Variants in EPB41L4A observed in about 807,000 individuals in gnomAD.
EPB41L4A encodes erythrocyte membrane protein band 4.1 like 4A.
In EPB41L4A, 100 loss-of-function variants were observed where a neutral mutation model predicts 108.6. The ratio of observed to expected loss-of-function variants is 0.92; its 90% CI spans 0.78 to 1.09. The LOEUF (loss-of-function observed/expected upper bound fraction) is 1.09, where lower values mean the gene tolerates loss of function less well. EPB41L4A is among the 50% of genes least tolerant of loss of function. The pLI, the probability that EPB41L4A is intolerant of heterozygous loss-of-function variation, is 0.00. For synonymous variants in EPB41L4A, 319 were observed against 289.0 expected, an observed-to-expected ratio of 1.10 and a Z score of -1.05; for missense variants, 1,030 against 842.7, an observed-to-expected ratio of 1.22 and a Z score of -2.75.
At position 112,165,078 on chromosome 5, in the gene EPB41L4A, G is replaced by C; in HGVS notation, c.1973C>G (p.Pro658Arg). The C allele has an allele frequency of 6.2e-7, 1 of 1,611,282 alleles. No individual in the cohort carries two copies. Among genetic ancestry groups the C allele is most frequent in the South Asian group, 1.1e-5 (1 of 90,948 alleles). ...AGCCAGGTTGTTTGTAGATGTCTGA[G>C]GTTTTTCTTCCATCAGGCTATCTTT... ...GSKDSLMEEKPQTSTNNLAGK... is the reference protein window; with the variant it reads ...GSKDSLMEEKRQTSTNNLAGK... Residue 658 changes from proline to arginine, a missense_variant, in exon 23 of 23, where the codon CCT becomes CGT. Coordinates refer to ENST00000261486, the MANE Select transcript of EPB41L4A (RefSeq NM_022140.5).
chr5:112,209,015 A>T (rs1308275637), intron 13 of EPB41L4A, among the ~76,000 whole-genome samples: 1 of 152,252 alleles, frequency 6.6e-6, no homozygotes, highest in Non-Finnish European at 1.5e-5. Context: ...TAAAATATTA[A>T]AACTCTGAGA....
intron 12 of EPB41L4A, among the ~76,000 whole-genome samples, chr5:112,152,014 G>A (rs1431875192): frequency 1.3e-5 from 2 of 152,272 alleles, no homozygotes; most frequent in Admixed American, 6.5e-5. Context: ...TTACAGGCGT[G>A]AGCCACCATT....
At position 112,419,136 on chromosome 5, in the gene EPB41L4A, G is replaced by A; in HGVS notation, c.-97C>T. ...CGCGATGCATTAATTTATTGTCCGC[G>A]CCGTGGCGAGGGTGAGACGAGCAGC... is the stretch of plus-strand genomic sequence containing the variant. On this transcript the variant is annotated 5_prime_UTR_variant, in exon 1 of 23. Coordinates refer to ENST00000261486, the MANE Select transcript of EPB41L4A (RefSeq NM_022140.5). 1.1e-6 allele frequency: 1 copy of A among 919,996 alleles called. No individual in the cohort carries two copies. The highest frequency in any genetic ancestry group is 1.7e-6 in the Non-Finnish European group (1 of 579,686). The allele number at this position is 919,996 out of a possible 1,614,324, so 57.0% of individuals were successfully genotyped here.
chr5:112,336,772 A>T (rs1255244748), intron 1 of EPB41L4A, among the ~76,000 whole-genome samples: 1 of 152,244 alleles, frequency 6.6e-6, no homozygotes, highest in Non-Finnish European at 1.5e-5. Context: ...AGCTGCAGAA[A>T]TAATGAGTAG....
chr5:112,386,833 C>G lies in EPB41L4A; in HGVS notation c.99+32108G>C, dbSNP rs538970530. 2.0e-5 allele frequency among the ~76,000 whole-genome samples: 3 copies of G among 152,276 alleles called. No individual in the cohort carries two copies. The South Asian group carries it at 6.2e-4, about 32-fold the overall frequency. ...GGCACAACGGGAATAGAAAGTGATT[C>G]TCCAGCAATAAAGGCAAAAGCTATC... On this transcript the variant is annotated intron_variant, in intron 1 of 22. Coordinates refer to ENST00000261486, the MANE Select transcript of EPB41L4A (RefSeq NM_022140.5).
intron 1 of EPB41L4A, among the ~76,000 whole-genome samples, chr5:112,381,812 A>G (rs1334656169): frequency 1.3e-5 from 2 of 152,224 alleles, no homozygotes; most frequent in African/African-American, 4.8e-5. Context: ...TCAAAGTCCC[A>G]CAGCCTTCCA....
chr5:112,252,063 T>G (rs956292047), intron 9 of EPB41L4A, among the ~76,000 whole-genome samples: 1 of 152,142 alleles, frequency 6.6e-6, no homozygotes, highest in African/African-American at 2.4e-5. Context: ...TGTGTGGCTT[T>G]TTTTTGGAAG....
At chr5:112,255,870 C>T (rs1306680805) in intron 9 of EPB41L4A, among the ~76,000 whole-genome samples, 1 of 152,124 alleles carries the variant, frequency 6.6e-6, no homozygotes, top group African/African-American at 2.4e-5. Flanking sequence ...CAAAACGGGA[C>T]TCCTGATCTT....
intron 9 of EPB41L4A, among the ~76,000 whole-genome samples, chr5:112,252,979 CAT>C (rs747685981): frequency 4.6e-5 from 7 of 152,122 alleles, no homozygotes; most frequent in Non-Finnish European, 7.4e-5. Flanking sequence ...AGGGCTGACT[CAT>C]AAATGTGGAG....
intron 17 of EPB41L4A, among the ~76,000 whole-genome samples, chr5:112,187,998 G>A (rs1761510873): frequency 1.3e-5 from 2 of 152,146 alleles, no homozygotes; most frequent in African/African-American, 4.8e-5. Context: ...ATCCTTTCTA[G>A]CTTTAAAACT....
rs538365894 is a variant in EPB41L4A, at chr5:112,396,568, C to T, written c.99+22373G>A. ...AGTGGTTCTGGCCCATGGTCTCTTG[C>T]GACGTTATGGTCAGAGTATCAGCCA... On this transcript the variant is annotated intron_variant, in intron 1 of 22. Transcript: ENST00000261486. Among the ~76,000 whole-genome samples, 5 of 152,326 alleles carry T rather than the reference C, an allele frequency of 3.3e-5. No individual in the cohort carries two copies. The South Asian group carries it at 6.2e-4, about 19-fold the overall frequency.
intron 18 of EPB41L4A, chr5:112,183,315 T>A (rs1561456171): frequency 6.6e-6 from 1 of 152,248 alleles, no homozygotes; most frequent in Non-Finnish European, 1.5e-5. Flanking sequence ...ACATCAGACA[T>A]CTAACTACCC....
intron 12 of EPB41L4A, among the ~76,000 whole-genome samples, chr5:112,156,249 A>G (rs1759642705): frequency 6.6e-6 from 1 of 152,232 alleles, no homozygotes; most frequent in South Asian, 2.1e-4. Context: ...ACAATAAGAA[A>G]GGCATAAAAA....
chr5:112,202,386 G>A (rs753293943), intron 15 of EPB41L4A, among the ~76,000 whole-genome samples: 13 of 152,150 alleles, frequency 8.5e-5, no homozygotes, highest in Non-Finnish European at 1.6e-4. Flanking sequence ...GATCTCTTGA[G>A]TTACACCACT....
chr5:112,208,996 A>C (rs990074509), intron 13 of EPB41L4A, among the ~76,000 whole-genome samples: 4 of 152,210 alleles, frequency 2.6e-5, no homozygotes, highest in Non-Finnish European at 4.4e-5. Flanking sequence ...ACATAGGCAA[A>C]TCCCTGCGTA....
At chr5:112,382,659 G>A (rs1760248967) in intron 1 of EPB41L4A, among the ~76,000 whole-genome samples, 2 of 152,194 alleles carry the variant, frequency 1.3e-5, no homozygotes, top group South Asian at 2.1e-4. Context: ...GGAGACAGAA[G>A]AGAGCACTGT....
intron 1 of EPB41L4A, among the ~76,000 whole-genome samples, chr5:112,354,717 T>C (rs1758263556): frequency 6.6e-6 from 1 of 152,202 alleles, no homozygotes; most frequent in Admixed American, 6.5e-5. Flanking sequence ...GAATCTGGAT[T>C]CCACAGTAAT....
chr5:112,165,626 C>T (rs1407352836), intron 22 of EPB41L4A, among the ~76,000 whole-genome samples: 1 of 152,200 alleles, frequency 6.6e-6, no homozygotes, highest in Non-Finnish European at 1.5e-5. Context: ...TTACACATCT[C>T]CCATCATCAC....
At chr5:112,185,767 AC>A (rs1177556133) in intron 17 of EPB41L4A, among the ~76,000 whole-genome samples, 3 of 152,196 alleles carry the variant, frequency 2.0e-5, no homozygotes, top group African/African-American at 7.2e-5. Flanking sequence ...GAGAAGGTAT[AC>A]TACTTGAGGT....
Sources: allele counts gnomAD v4.1 joint callset (sites outside exome capture counted in the v4.1 genomes callset), GRCh38; gene constraint gnomAD v4.1.1; transcripts MANE v1.5; gene names NCBI Gene and HGNC (gene_info 2026-07-23, HGNC 2026-07-21).